The following NLRP9 variants were observed in gnomAD, a reference collection of about 807,000 sequenced individuals.
The protein encoded by NLRP9 is NACHT, LRR and PYD domains-containing protein 9.
A neutral mutation model predicts 83.1 loss-of-function variants in NLRP9; 88 were observed. The ratio of observed to expected loss-of-function variants is 1.06; its 90% CI spans 0.89 to 1.26. The LOEUF (loss-of-function observed/expected upper bound fraction) is 1.26, where lower values mean the gene tolerates loss of function less well. NLRP9 is among the 50% of genes most tolerant of loss of function. NLRP9 has a pLI of 0.00. For synonymous variants in NLRP9, 521 were observed against 447.6 expected, an observed-to-expected ratio of 1.16 and a Z score of -2.07; for missense variants, 1,308 against 1,179.3, an observed-to-expected ratio of 1.11 and a Z score of -1.60.
intron 8 of NLRP9, among the ~76,000 whole-genome samples, chr19:55,710,953 G>T (rs892638305): frequency 3.3e-5 from 5 of 152,058 alleles, no homozygotes; most frequent in African/African-American, 1.2e-4. Flanking sequence ...GAGCATGGTG[G>T]TGAGTGCCTG....
At chr19:55,729,374 A>G (rs1988502436) in intron 3 of NLRP9, among the ~76,000 whole-genome samples, 1 of 151,752 alleles carries the variant, frequency 6.6e-6, no homozygotes, top group South Asian at 2.1e-4. Flanking sequence ...TCCTAATGCT[A>G]TCCCTTCCCT....
chr19:55,711,442 T>C lies in NLRP9; in HGVS notation c.2843+358A>G, dbSNP rs113988297. 285 of 1,302,830 alleles carry C rather than the reference T, an allele frequency of 2.2e-4. 1 individual carries two copies. In the African/African-American group the frequency reaches 3.4e-3, roughly 16 times the overall value. The allele number at this position is 1,302,830 out of a possible 1,614,324, so 80.7% of individuals were successfully genotyped here. ...GCCCATTCCAGAAGCCCTTCTGAAG[T>C]CTGAGCTGGCGTTGCATATTTATGG... On this transcript the variant is annotated intron_variant, in intron 8 of 8. Transcript: ENST00000332836.
Position 55,729,892 on chromosome 19 carries a change from G to C in NLRP9, c.1933C>G (p.Pro645Ala). The change falls in exon 3 of 9, where the codon CCC (proline) becomes GCC (alanine). Residue 645 changes from proline to alanine, a missense_variant. Transcript: ENST00000332836. The part of the protein sequence containing the change: ...LDMENTSLDD[P>A]SLAILCKALA... ...GCTTTGCAAAGAATCGCCAGGGAGG[G>C]ATCATCGAGGCTGGTATTTTCCATG... is the stretch of plus-strand genomic sequence containing the variant. The C allele has an allele frequency of 6.2e-7, 1 of 1,613,678 alleles. No homozygotes were observed. The highest frequency in any genetic ancestry group is 8.5e-7 in the Non-Finnish European group (1 of 1,179,646).
At chr19:55,736,651 T>C (rs1600144972) in intron 1 of NLRP9, among the ~76,000 whole-genome samples, 2 of 151,378 alleles carry the variant, frequency 1.3e-5, no homozygotes, top group Admixed American at 6.6e-5. Flanking sequence ...CTGACCAACA[T>C]GGTGATACCC....
At position 55,733,119 on chromosome 19, in the gene NLRP9, G is replaced by GT. The variant is rs769698056; in HGVS notation, c.711dup (p.Gln238ThrfsTer3). The GT allele has an allele frequency of 6.2e-6, 10 of 1,614,044 alleles. No individual in the cohort carries two copies. In the African/African-American group the frequency reaches 1.3e-4, roughly 22 times the overall value. The stretch of plus-strand genomic sequence containing the variant: ...TCATCGCTCAAGTCAGCCTTAAGTT[G>GT]TAAGTTAAACTTCAGTTGCTCAAAG... On this transcript the variant is annotated frameshift_variant, in exon 2 of 9. Transcript: ENST00000332836. LOFTEE classifies it high-confidence loss of function.
intron 4 of NLRP9, among the ~76,000 whole-genome samples, chr19:55,720,034 TTC>T (rs1274239712): frequency 6.6e-6 from 1 of 152,160 alleles, no homozygotes; most frequent in Admixed American, 6.5e-5. Flanking sequence ...AAACCTACAA[TTC>T]TCTGATGTGT....
In NLRP9 at chr19:55,724,282, A is replaced by C. The variant is rs141497975; in HGVS notation, c.1995-138T>G. On this transcript the variant is annotated intron_variant, in intron 3 of 8. Coordinates refer to ENST00000332836, the MANE Select transcript of NLRP9 (RefSeq NM_176820.4). ...TGGAATTCTGGTTACTCCTGCCAGT[A>C]AATTATTTCTCGATGGGGTTTTTAG... 29 of 603,078 alleles carry C rather than the reference A, an allele frequency of 4.8e-5. No homozygotes were observed. In the African/African-American group the frequency reaches 5.2e-4, roughly 11 times the overall value. The allele number at this position is 603,078 out of a possible 1,614,324, so 37.4% of individuals were successfully genotyped here.
chr19:55,734,620 C>CACACAT (rs1399155948), intron 1 of NLRP9, among the ~76,000 whole-genome samples: 1 of 87,614 alleles, frequency 1.1e-5, no homozygotes, highest in East Asian at 3.1e-4. Flanking sequence ...CACACACACA[C>CACACAT]ATATATATAT....
Position 55,717,425 on chromosome 19 carries a change from C to T in NLRP9, c.2160-527G>A, listed in dbSNP as rs148106531. Among the ~76,000 whole-genome samples the T allele has an allele frequency of 5.4e-3, 825 of 152,252 alleles. 10 individuals carry two copies. The highest frequency in any genetic ancestry group is 0.019 in the African/African-American group (778 of 41,546). On this transcript the variant is annotated intron_variant, in intron 4 of 8. Coordinates refer to ENST00000332836, the MANE Select transcript of NLRP9 (RefSeq NM_176820.4). ...CTGAAGTTAGGAAAAATGTCAAAGC[C>T]CACGCTTCTCACCACCTGGGGTGAT...
intron 8 of NLRP9, among the ~76,000 whole-genome samples, chr19:55,710,628 C>T (rs1987673137): frequency 6.6e-6 from 1 of 152,134 alleles, no homozygotes; most frequent in Non-Finnish European, 1.5e-5. Flanking sequence ...GTGGCATCCC[C>T]CCTGCTTCCT....
intron 4 of NLRP9, among the ~76,000 whole-genome samples, chr19:55,718,508 G>A (rs759961529): frequency 1.1e-4 from 17 of 152,228 alleles, no homozygotes; most frequent in Admixed American, 2.0e-4. Flanking sequence ...CAGCAATACT[G>A]CTCTGTGACT....
Position 55,715,193 on chromosome 19 carries a change from C to G in NLRP9, c.2363G>C (p.Cys788Ser). Reference protein sequence around the residue: ...LMYCCLTSVSCDSISEVLLCS... With the variant: ...LMYCCLTSVSSDSISEVLLCS... Reference sequence around the variant, plus strand: ...CAAGAGGACTTCGGAAATGGAGTCACAGGAGACAGAGGTGAGACAGCAGTA... The same window carrying G: ...CAAGAGGACTTCGGAAATGGAGTCAGAGGAGACAGAGGTGAGACAGCAGTA... Residue 788 changes from cysteine (C) to serine (S), a missense_variant, in exon 6 of 9, where the codon TGT becomes TCT. Coordinates refer to ENST00000332836, the MANE Select transcript of NLRP9 (RefSeq NM_176820.4). 6.2e-7 allele frequency: 1 copy of G among 1,613,384 alleles called. No homozygotes were observed. The highest frequency in any genetic ancestry group is 8.5e-7 in the Non-Finnish European group (1 of 1,179,866).
rs532143648 is a variant in NLRP9, at chr19:55,724,340, G to C, written c.1995-196C>G. Among the ~76,000 whole-genome samples, 11 of 151,908 alleles carry C rather than the reference G, an allele frequency of 7.2e-5. No homozygotes were observed. The South Asian group carries it at 2.1e-3, about 29-fold the overall frequency. On this transcript the variant is annotated intron_variant, in intron 3 of 8. Transcript: ENST00000332836. Reference sequence around the variant, plus strand: ...ACAGCACAGAGGCTCAAGCTGCTTAGAACTTTCCTGTTTCTTCCTAGCCCC... The same window carrying C: ...ACAGCACAGAGGCTCAAGCTGCTTACAACTTTCCTGTTTCTTCCTAGCCCC...
At chr19:55,724,281 T>C (rs1029397575) in intron 3 of NLRP9, 137 bp from the exon 4 acceptor site, 1 of 604,394 alleles carries the variant, frequency 1.7e-6, no homozygotes. Flanking sequence ...CTCCTGCCAG[T>C]AAATTATTTC....
Position 55,708,814 on chromosome 19 carries a change from C to T in NLRP9, c.*98G>A, listed in dbSNP as rs915063273. On this transcript the variant is annotated 3_prime_UTR_variant, in exon 9 of 9. Coordinates refer to ENST00000332836, the MANE Select transcript of NLRP9 (RefSeq NM_176820.4). Reference sequence around the variant, plus strand: ...GAGTACCTCTGAAATCACAGCCCTGCTGCCATGATGTGCAATTACAGGATA... The same window carrying T: ...GAGTACCTCTGAAATCACAGCCCTGTTGCCATGATGTGCAATTACAGGATA... The T allele has an allele frequency of 1.3e-5, 10 of 781,528 alleles. No individual in the cohort carries two copies. The East Asian group carries it at 2.9e-4, about 23-fold the overall frequency. The allele number at this position is 781,528 out of a possible 1,614,324, so 48.4% of individuals were successfully genotyped here. A position where few individuals can be genotyped will look rare whatever the true frequency, so the allele number is the denominator to read the frequency against.
chr19:55,728,785 G>T (rs1462295869), intron 3 of NLRP9, among the ~76,000 whole-genome samples: 1 of 152,158 alleles, frequency 6.6e-6, no homozygotes, highest in Non-Finnish European at 1.5e-5. Context: ...CTTCCGTGAT[G>T]ACATGACTTT....
At chr19:55,711,686 C>A in intron 8 of NLRP9, 114 bp downstream of exon 8, 1 of 1,065,790 alleles carries the variant, frequency 9.4e-7, no homozygotes. Flanking sequence ...AGGACAGGCC[C>A]CCACCACAAA....
At position 55,717,191 on chromosome 19, in the gene NLRP9, G is replaced by A. The variant is rs562052113; in HGVS notation, c.2160-293C>T. Among the ~76,000 whole-genome samples, 28 of 151,942 alleles carry A rather than the reference G, an allele frequency of 1.8e-4. No homozygotes were observed. In the South Asian group the frequency reaches 4.6e-3, roughly 25 times the overall value. ...TGGGATTACAGGCGCCCGCCATCAC[G>A]CCCAGTTCATTTGTATTTTTAGTAG... On this transcript the variant is annotated intron_variant, in intron 4 of 8. Coordinates refer to ENST00000332836, the MANE Select transcript of NLRP9 (RefSeq NM_176820.4).
chr19:55,733,433 T>G lies in NLRP9; in HGVS notation c.398A>C (p.Lys133Thr), dbSNP rs1248051334. The G allele has an allele frequency of 6.2e-7, 1 of 1,613,914 alleles. No individual in the cohort carries two copies. The highest frequency in any genetic ancestry group is 1.7e-5 in the Admixed American group (1 of 60,012). Reference sequence around the variant, plus strand: ...AGCAGTATATGCGTCATTCAATTCTTTATACTCATTTTTCATGGTTTCTTT... The same window carrying G: ...AGCAGTATATGCGTCATTCAATTCTGTATACTCATTTTTCATGGTTTCTTT... The part of the protein sequence containing the change: ...FYKETMKNEY[K>T]ELNDAYTAAA... Residue 133 changes from lysine to threonine, a missense_variant, in exon 2 of 9, where the codon AAA becomes ACA. By Grantham distance (78) the Lys-to-Thr change is moderately conservative. Coordinates refer to ENST00000332836, the MANE Select transcript of NLRP9 (RefSeq NM_176820.4).
Sources: allele counts gnomAD v4.1 joint callset (sites outside exome capture counted in the v4.1 genomes callset), GRCh38; gene constraint gnomAD v4.1.1; transcripts MANE v1.5; gene names NCBI Gene and HGNC (gene_info 2026-07-23, HGNC 2026-07-21).